ANKH: variants seen among roughly 807,000 people sequenced by gnomAD.
The protein encoded by ANKH is mineralization regulator ANKH.
Under a neutral mutation model 49.0 loss-of-function variants are expected in ANKH, and 15 were observed. That is an observed-to-expected ratio of 0.31 (90% CI 0.20 to 0.47). The LOEUF (loss-of-function observed/expected upper bound fraction) is 0.47. Among genes scored for constraint, ANKH ranks in the 20% least tolerant of loss-of-function variants. ANKH has a pLI of 1.00. For synonymous variants in ANKH, 273 were observed against 260.0 expected (o/e 1.05, Z -0.48); for missense variants, 429 against 652.0 (o/e 0.66, Z 3.72).
intron 1 of ANKH, among the ~76,000 whole-genome samples, chr5:14,813,957 T>A (rs973999205): frequency 6.6e-6 from 1 of 152,046 alleles, no homozygotes; most frequent in African/African-American, 2.4e-5. Flanking sequence ...CCCCCAAGCA[T>A]CACAGCTGCC....
chr5:14,797,780 G>C (rs1009321714), intron 1 of ANKH: 177 of 1,611,140 alleles, frequency 1.1e-4, no homozygotes, highest in Non-Finnish European at 1.5e-4. Context: ...GAACGGCACT[G>C]ATGTCCCACA....
chr5:14,824,453 T>C (rs1741283391), intron 1 of ANKH, among the ~76,000 whole-genome samples: 1 of 152,170 alleles, frequency 6.6e-6, no homozygotes, highest in Non-Finnish European at 1.5e-5. Context: ...GGAAGGAATG[T>C]TCATGGTCAC....
chr5:14,834,034 C>T (rs1255553110), intron 1 of ANKH, among the ~76,000 whole-genome samples: 4 of 152,260 alleles, frequency 2.6e-5, no homozygotes, highest in East Asian at 1.9e-4. Context: ...ATGCAGAGCA[C>T]GGCTCACCTT....
At position 14,724,513 on chromosome 5, in the gene ANKH, T is replaced by C. The variant is rs192679850; in HGVS notation, c.1012-7678A>G. ...AGGATCAGAAGGATCAGTGCAGTGA[T>C]GAAGGAAATCGCCAGCTTTACAGAC... On this transcript the variant is annotated intron_variant, in intron 8 of 11. Transcript: ENST00000284268. 7.7e-5 allele frequency: 76 copies of C among 980,922 alleles called. No individual in the cohort carries two copies. In the African/African-American group the frequency reaches 1.3e-3, roughly 16 times the overall value. The allele number at this position is 980,922 out of a possible 1,614,324, so 60.8% of individuals were successfully genotyped here.
intron 1 of ANKH, among the ~76,000 whole-genome samples, chr5:14,777,256 A>C (rs868808555): frequency 2.6e-5 from 4 of 152,330 alleles, no homozygotes; most frequent in Middle Eastern, 3.4e-3. Context: ...ATTGCACTCC[A>C]GTCTGGGCGA....
In ANKH at chr5:14,710,920, C is replaced by T. The variant is rs1737158213; in HGVS notation, c.*277G>A. On this transcript the variant is annotated 3_prime_UTR_variant, in exon 12 of 12. Coordinates refer to ENST00000284268, the MANE Select transcript of ANKH (RefSeq NM_054027.6). ...GGAGGACACAACGTCAACCGTGAGG[C>T]AGCTGTGTCTTTTGGGTTTTCGTGA... 4 of 430,364 alleles carry T rather than the reference C, an allele frequency of 9.3e-6. No individual in the cohort carries two copies. The East Asian group carries it at 1.6e-4, about 17-fold the overall frequency. 26.7% of individuals were successfully genotyped at this position (430,364 alleles called of 1,614,324 possible).
At chr5:14,730,824 G>A (rs1286197354) in intron 8 of ANKH, among the ~76,000 whole-genome samples, 2 of 152,226 alleles carry the variant, frequency 1.3e-5, no homozygotes, top group African/African-American at 2.4e-5. Flanking sequence ...CGCCTTCCAA[G>A]AAGAGGTGGC....
chr5:14,814,134 T>C (rs1324906798), intron 1 of ANKH, among the ~76,000 whole-genome samples: 1 of 152,242 alleles, frequency 6.6e-6, no homozygotes, highest in Non-Finnish European at 1.5e-5. Flanking sequence ...TTTCCCAATG[T>C]TTTCATAGAC....
At chr5:14,741,780 A>T in intron 8 of ANKH, 47 bp downstream of exon 8, 1 of 1,498,994 alleles carries the variant, frequency 6.7e-7, no homozygotes, top group Non-Finnish European at 9.3e-7. Flanking sequence ...TTGCCCCTTT[A>T]CAAAAACCAA....
intron 6 of ANKH, among the ~76,000 whole-genome samples, chr5:14,748,094 T>C (rs1466628265): frequency 6.6e-6 from 1 of 152,212 alleles, no homozygotes; most frequent in African/African-American, 2.4e-5. Context: ...CCTTTTTCTT[T>C]TTTTTTAAAG....
chr5:14,859,694 A>C (rs183988086), intron 1 of ANKH, among the ~76,000 whole-genome samples: 92 of 152,326 alleles, frequency 6.0e-4, no homozygotes, highest in African/African-American at 2.0e-3. Flanking sequence ...GGCACTGTGG[A>C]TATATCTGGG....
Position 14,768,522 on chromosome 5 carries a change from GAATAA to G in ANKH, c.313+448_313+452del, listed in dbSNP as rs139776240. 6.1e-3 allele frequency: 1,297 copies of G among 214,064 alleles called. 21 individuals carry two copies. Among genetic ancestry groups the G allele is most frequent in the African/African-American group, 0.029 (1,240 of 42,886 alleles). 13.3% of individuals were successfully genotyped at this position (214,064 alleles called of 1,614,324 possible). A position where few individuals can be genotyped will look rare whatever the true frequency, so the allele number is the denominator to read the frequency against. ...CACAAGAGCATTTAGTCTTGTCTTT[GAATAA>G]AATAGAATAAGATCCTAGAACAAAT... On this transcript the variant is annotated intron_variant, in intron 2 of 11. Coordinates refer to ENST00000284268, the MANE Select transcript of ANKH (RefSeq NM_054027.6).
At chr5:14,738,491 G>A (rs765393548) in intron 8 of ANKH, among the ~76,000 whole-genome samples, 2 of 152,138 alleles carry the variant, frequency 1.3e-5, no homozygotes, top group Non-Finnish European at 2.9e-5. Context: ...TGGCCAATGC[G>A]TGGAGGGCTG....
At chr5:14,717,119 C>T (rs948055365) in intron 8 of ANKH, 45 of 409,604 alleles carry the variant, frequency 1.1e-4, no homozygotes, top group Admixed American at 2.1e-4. Flanking sequence ...TGAGCAGACC[C>T]GTTCAGAACC....
chr5:14,799,581 G>A (rs139705375), intron 1 of ANKH, among the ~76,000 whole-genome samples: 154 of 152,270 alleles, frequency 1.0e-3, no homozygotes, highest in African/African-American at 3.5e-3. Flanking sequence ...AAGTCCTCAG[G>A]TCCTTAAGAA....
At chr5:14,726,348 A>G (rs1737821976) in intron 8 of ANKH, among the ~76,000 whole-genome samples, 1 of 152,144 alleles carries the variant, frequency 6.6e-6, no homozygotes, top group Non-Finnish European at 1.5e-5. Context: ...TTCACAGGTC[A>G]TGGTCACGAC....
rs1036612413 is a variant in ANKH at position 14,707,726 on chromosome 5, A to C, written c.*3471T>G. On this transcript the variant is annotated 3_prime_UTR_variant, in exon 12 of 12. Coordinates refer to ENST00000284268, the MANE Select transcript of ANKH (RefSeq NM_054027.6). ...ATAAAGTGCTTTTACTATTGTAAAG[A>C]AGCTTTATTTGGCCCCATCTGATAC... is the stretch of plus-strand genomic sequence containing the variant. The C allele has an allele frequency of 2.6e-5, 4 of 152,212 alleles. No homozygotes were observed. The highest frequency in any genetic ancestry group is 7.2e-5 in the African/African-American group (3 of 41,460). The allele number at this position is 152,212 out of a possible 1,614,324, so 9.4% of individuals were successfully genotyped here.
intron 2 of ANKH, among the ~76,000 whole-genome samples, chr5:14,760,030 G>A (rs1259914277): frequency 6.6e-6 from 1 of 152,132 alleles, no homozygotes; most frequent in East Asian, 1.9e-4. Context: ...GAATGACTAC[G>A]ATCTTCAGAG....
chr5:14,767,057 G>C (rs941106034), intron 2 of ANKH, among the ~76,000 whole-genome samples: 1 of 152,198 alleles, frequency 6.6e-6, no homozygotes, highest in Non-Finnish European at 1.5e-5. Flanking sequence ...GACTGCCATT[G>C]GAAGGGCAAC....
Sources: gnomAD v4.1 joint callset for allele counts (sites outside exome capture counted in the v4.1 genomes callset) on GRCh38, gnomAD v4.1.1 for gene constraint, MANE v1.5 for transcripts, NCBI Gene and HGNC (gene_info 2026-07-23, HGNC 2026-07-21) for gene names.